DOCK2: variants seen among roughly 807,000 people sequenced by gnomAD.
DOCK2 encodes dedicator of cytokinesis 2.
In DOCK2, 87 loss-of-function variants were observed where a neutral mutation model predicts 248.9. The ratio of observed to expected loss-of-function variants is 0.35; its 90% confidence interval spans 0.29 to 0.42. The LOEUF (loss-of-function observed/expected upper bound fraction) is 0.42. Among genes scored for constraint, DOCK2 ranks in the 10% least tolerant of loss-of-function variants. The pLI is 1.00. For missense variants in DOCK2, 1,747 were observed against 2,300.2 expected, an observed-to-expected ratio of 0.76 and a Z score of 4.92; for synonymous variants, 805 against 821.6, an observed-to-expected ratio of 0.98 and a Z score of 0.35.
chr5:169,881,586 GA>G lies in DOCK2; in HGVS notation c.2799+40736del, dbSNP rs773421210. The G allele has an allele frequency of 8.7e-5, 57 of 654,776 alleles. No homozygotes were observed. The Middle Eastern group carries it at 1.2e-3, about 14-fold the overall frequency. 40.6% of individuals were successfully genotyped at this position (654,776 alleles called of 1,614,324 possible). ...ACGGCCATTACAAATAAGGAAACAA[GA>G]ATGTCACGACAATAGGAGCTCACAT... is the stretch of plus-strand genomic sequence containing the variant. On this transcript the variant is annotated intron_variant, in intron 27 of 51. Coordinates refer to ENST00000520908, the MANE Select transcript of DOCK2 (RefSeq NM_004946.3).
chr5:170,019,202 T>G (rs576612431), intron 33 of DOCK2, 94 bp downstream of exon 33: 1 of 1,573,768 alleles, frequency 6.4e-7, no homozygotes, highest in African/African-American at 1.4e-5. Context: ...TGAGCTTCAT[T>G]GAGAGGCTCG....
intron 14 of DOCK2, among the ~76,000 whole-genome samples, chr5:169,705,914 G>T (rs747108875): frequency 6.6e-6 from 1 of 152,240 alleles, no homozygotes; most frequent in Non-Finnish European, 1.5e-5. Flanking sequence ...CTGACCTGAA[G>T]TCTCCCACAC....
Position 169,791,747 on chromosome 5 carries a change from C to T in DOCK2, c.2555-11311C>T, listed in dbSNP as rs374320674. Among the ~76,000 whole-genome samples, 97 of 152,278 alleles carry T rather than the reference C, an allele frequency of 6.4e-4. 1 individual carries two copies. The highest frequency in any genetic ancestry group is 2.0e-3 in the African/African-American group (84 of 41,568). On this transcript the variant is annotated intron_variant, in intron 25 of 51. Transcript: ENST00000520908. The stretch of plus-strand genomic sequence containing the variant: ...GAGCTACATGGAGCTCCTATTTTCT[C>T]ATCTGTAAAATGGGGACAATGCAAT...
intron 25 of DOCK2, among the ~76,000 whole-genome samples, chr5:169,794,060 C>T (rs1581198227): frequency 6.6e-6 from 1 of 152,108 alleles, no homozygotes; most frequent in Non-Finnish European, 1.5e-5. Flanking sequence ...AACATCAGCT[C>T]TCATGGCCCC....
chr5:169,699,918 T>A (rs1173020639), intron 12 of DOCK2, 96 bp from the exon 13 acceptor site: 4 of 1,549,672 alleles, frequency 2.6e-6, no homozygotes, highest in Non-Finnish European at 3.5e-6. Context: ...CTGTTCCCAG[T>A]GATCTCCAGA....
At chr5:170,044,517 A>C (rs925274527) in intron 38 of DOCK2, among the ~76,000 whole-genome samples, 1 of 152,006 alleles carries the variant, frequency 6.6e-6, no homozygotes, top group African/African-American at 2.4e-5. Context: ...TTCCCTGTTC[A>C]CATTATGGTG....
chr5:170,027,830 G>A (rs1755974279), intron 33 of DOCK2, 33 bp from the exon 34 acceptor site: 4 of 1,598,862 alleles, frequency 2.5e-6, no homozygotes, highest in East Asian at 2.2e-5. Flanking sequence ...GCCTTCTGAT[G>A]TTATTGTTGA....
chr5:169,852,264 G>A (rs1035987785), intron 27 of DOCK2, among the ~76,000 whole-genome samples: 5 of 152,284 alleles, frequency 3.3e-5, no homozygotes, highest in Admixed American at 2.0e-4. Flanking sequence ...AATTTTAAGC[G>A]TGTTCTTAAA....
intron 26 of DOCK2, among the ~76,000 whole-genome samples, chr5:169,839,909 C>G (rs1439564636): frequency 6.6e-6 from 1 of 152,194 alleles, no homozygotes; most frequent in African/African-American, 2.4e-5. Flanking sequence ...ATTTCCGTTA[C>G]CTGTATAACC....
chr5:169,783,917 G>A (rs1305104365), intron 25 of DOCK2, among the ~76,000 whole-genome samples: 1 of 152,180 alleles, frequency 6.6e-6, no homozygotes, highest in Non-Finnish European at 1.5e-5. Flanking sequence ...CTCCTAGGAA[G>A]GCGGAGATAA....
At chr5:169,925,105 C>G (rs114876159) in intron 27 of DOCK2, among the ~76,000 whole-genome samples, 1 of 152,094 alleles carries the variant, frequency 6.6e-6, no homozygotes, top group African/African-American at 2.4e-5. Flanking sequence ...TCCACCCCAA[C>G]CCCCCATTCA....
chr5:169,906,551 T>C (rs261044), intron 27 of DOCK2, among the ~76,000 whole-genome samples: 126,051 of 152,162 alleles, frequency 0.83, 52,484 homozygotes, highest in African/African-American at 0.91. Context: ...AGGCTGGTCT[T>C]AAGTTCCTGG....
intron 27 of DOCK2, among the ~76,000 whole-genome samples, chr5:169,906,515 A>G (rs1001040209): frequency 2.0e-5 from 3 of 152,140 alleles, no homozygotes; most frequent in Non-Finnish European, 2.9e-5. Context: ...TTTTATTTGT[A>G]GAGACAGGGT....
chr5:169,842,539 G>A (rs1581270859), intron 27 of DOCK2, among the ~76,000 whole-genome samples: 1 of 152,232 alleles, frequency 6.6e-6, no homozygotes, highest in African/African-American at 2.4e-5. Context: ...TGTATTTTTA[G>A]TAGAGGCAGG....
intron 27 of DOCK2, among the ~76,000 whole-genome samples, chr5:169,926,006 A>G (rs561714786): frequency 1.4e-3 from 214 of 152,258 alleles, no homozygotes; most frequent in African/African-American, 4.8e-3. Context: ...CACACCCCTC[A>G]TTCCATGGCA....
chr5:169,724,636 G>A (rs555279092), intron 22 of DOCK2, among the ~76,000 whole-genome samples: 2 of 152,058 alleles, frequency 1.3e-5, no homozygotes, highest in Non-Finnish European at 2.9e-5. Flanking sequence ...GCAGCTCAGC[G>A]ACGCCTCCAG....
At chr5:169,903,984 C>G (rs541518467) in intron 27 of DOCK2, among the ~76,000 whole-genome samples, 1 of 148,940 alleles carries the variant, frequency 6.7e-6, no homozygotes, top group Non-Finnish European at 1.5e-5. Context: ...CCCAGTTACT[C>G]GGGAGGGCTG....
At chr5:169,987,527 G>T (rs1778099431) in intron 29 of DOCK2, among the ~76,000 whole-genome samples, 1 of 152,170 alleles carries the variant, frequency 6.6e-6, no homozygotes, top group South Asian at 2.1e-4. Flanking sequence ...CAGGGTCTTG[G>T]GGTTGGAGCC....
At chr5:170,048,615 C>T (rs536714835) in intron 40 of DOCK2, among the ~76,000 whole-genome samples, 20 of 152,292 alleles carry the variant, frequency 1.3e-4, no homozygotes, top group African/African-American at 4.3e-4. Flanking sequence ...TCACACATCA[C>T]GCAGCCTCAG....
Sources: gnomAD v4.1 joint callset for allele counts (sites outside exome capture counted in the v4.1 genomes callset) on GRCh38, gnomAD v4.1.1 for gene constraint, MANE v1.5 for transcripts, NCBI Gene and HGNC (gene_info 2026-07-23, HGNC 2026-07-21) for gene names.